The following DYNC2H1 variants were observed in gnomAD, a reference collection of about 807,000 sequenced individuals.
DYNC2H1 encodes the protein dynein cytoplasmic 2 heavy chain 1, also known as cytoplasmic dynein 2 heavy chain 1.
In DYNC2H1, 410 loss-of-function variants were observed where a neutral mutation model predicts 570.0. The observed-to-expected ratio is 0.72, with a 90% confidence interval of 0.66 to 0.78. DYNC2H1 has a LOEUF of 0.78. Ranked by LOEUF, DYNC2H1 falls within the 30% of genes least tolerant of loss-of-function variation. The pLI is 0.00. For synonymous variants in DYNC2H1, 1,688 were observed against 1,677.6 expected (o/e 1.01, Z -0.15); for missense variants, 4,865 against 5,046.4 (o/e 0.96, Z 1.09).
chr11:103,150,092 A>T (rs1016049521), intron 20 of DYNC2H1, among the ~76,000 whole-genome samples: 2 of 152,226 alleles, frequency 1.3e-5, no homozygotes, highest in African/African-American at 4.8e-5. Context: ...AGAGCATAGT[A>T]TTCAAGGAAG....
chr11:103,421,311 A>G (rs1943479433), intron 84 of DYNC2H1, among the ~76,000 whole-genome samples: 2 of 152,186 alleles, frequency 1.3e-5, no homozygotes, highest in Admixed American at 6.5e-5. Flanking sequence ...GAAAATTAAC[A>G]AAGATATTCA....
intron 84 of DYNC2H1, among the ~76,000 whole-genome samples, chr11:103,430,470 T>C (rs1008231845): frequency 3.9e-5 from 6 of 152,132 alleles, no homozygotes; most frequent in Non-Finnish European, 7.4e-5. Context: ...GTTTAGAATA[T>C]TACCGTACAT....
At chr11:103,130,663 G>A (rs951672432) in intron 13 of DYNC2H1, among the ~76,000 whole-genome samples, 1 of 151,992 alleles carries the variant, frequency 6.6e-6, no homozygotes, top group Non-Finnish European at 1.5e-5. Context: ...TGTATGCATA[G>A]TTTTGGAAAT....
At chr11:103,212,518 TA>T (rs1412287476) in intron 54 of DYNC2H1, among the ~76,000 whole-genome samples, 9 of 152,210 alleles carry the variant, frequency 5.9e-5, no homozygotes, top group African/African-American at 2.2e-4. Flanking sequence ...TTATATTTTA[TA>T]ATAACCTTTA....
chr11:103,121,151 G>A, intron 9 of DYNC2H1, 115 bp downstream of exon 9: 1 of 900,508 alleles, frequency 1.1e-6, no homozygotes, highest in Non-Finnish European at 1.6e-6. Context: ...TTTTCATGCT[G>A]AAGATTAATT....
intron 70 of DYNC2H1, among the ~76,000 whole-genome samples, chr11:103,266,158 C>A (rs562499380): frequency 1.3e-5 from 2 of 152,120 alleles, no homozygotes; most frequent in African/African-American, 4.8e-5. Flanking sequence ...TTTCATAGTG[C>A]GGTTACAGTG....
At chr11:103,292,861 C>T (rs1321882708) in intron 75 of DYNC2H1, among the ~76,000 whole-genome samples, 1 of 152,330 alleles carries the variant, frequency 6.6e-6, no homozygotes, top group East Asian at 1.9e-4. Flanking sequence ...GTGCTGGTAC[C>T]ATGCTGGCAG....
In DYNC2H1 at chr11:103,204,317, A is replaced by G. The variant is rs1332298253; in HGVS notation, c.8312-505A>G. Among the ~76,000 whole-genome samples the G allele has an allele frequency of 6.6e-6, 1 of 152,168 alleles. No individual in the cohort carries two copies. Among genetic ancestry groups the G allele is most frequent in the East Asian group, 1.9e-4 (1 of 5,196 alleles). ...AGGGACACAGAGCCAAACCATATCA[A>G]TACCTTAGCAAAATTTTAGCAAACA... On this transcript the variant is annotated intron_variant, in intron 51 of 88. Transcript: ENST00000375735. This position sits in a 1 kb window ranked among gnomAD's most constrained non-coding sequence, Gnocchi z 4.1.
chr11:103,454,756 A>G lies in DYNC2H1; in HGVS notation c.12457-430A>G, dbSNP rs1234249302. Among the ~76,000 whole-genome samples the G allele has an allele frequency of 2.0e-5, 3 of 152,284 alleles. No individual in the cohort carries two copies. In the East Asian group the frequency reaches 5.8e-4, roughly 29 times the overall value. On this transcript the variant is annotated intron_variant, in intron 85 of 88. Transcript: ENST00000375735. The stretch of plus-strand genomic sequence containing the variant: ...AACACAAAATTATTTCTTCTTGGAC[A>G]TTGCCCTCCACTGTTGTAAGATGGC...
chr11:103,125,753 C>T, intron 12 of DYNC2H1, among the ~76,000 whole-genome samples: 1 of 152,228 alleles, frequency 6.6e-6, no homozygotes, highest in Admixed American at 6.5e-5. Flanking sequence ...AGCTCCATAA[C>T]ATGGCATACA....
chr11:103,210,942 T>C (rs974167718), intron 53 of DYNC2H1, among the ~76,000 whole-genome samples: 2 of 152,064 alleles, frequency 1.3e-5, no homozygotes, highest in South Asian at 4.1e-4. Flanking sequence ...TTACCAGAAT[T>C]TCATTTTAGA....
intron 62 of DYNC2H1, 128 bp downstream of exon 62, chr11:103,235,941 ATAT>A: frequency 2.5e-6 from 3 of 1,197,682 alleles, no homozygotes; most frequent in Non-Finnish European, 3.4e-6. Flanking sequence ...GGGAAATTTT[ATAT>A]GGGTTCCAAG....
In DYNC2H1 at chr11:103,323,442, GAAAC is replaced by G. The variant is rs1168904804; in HGVS notation, c.11935-440_11935-437del. On this transcript the variant is annotated intron_variant, in intron 81 of 88. Coordinates refer to ENST00000375735, the MANE Select transcript of DYNC2H1 (RefSeq NM_001377.3). Reference sequence around the variant, plus strand: ...TTACAAGGTTTCTCTAAGTTAAAAAGAAACAAAAGTAGATTGCCTGAATATATAA... The same window carrying G: ...TTACAAGGTTTCTCTAAGTTAAAAAGAAAAGTAGATTGCCTGAATATATAA... Among the ~76,000 whole-genome samples, 10 of 149,784 alleles carry G rather than the reference GAAAC, an allele frequency of 6.7e-5. No individual in the cohort carries two copies. In the East Asian group the frequency reaches 7.8e-4, roughly 12 times the overall value.
chr11:103,109,435 A>G lies in DYNC2H1; in HGVS notation c.-140A>G, dbSNP rs960711912. 3 of 792,980 alleles carry G rather than the reference A, an allele frequency of 3.8e-6. No homozygotes were observed. Among genetic ancestry groups the G allele is most frequent in the Non-Finnish European group, 5.7e-6 (3 of 522,060 alleles). 49.1% of individuals were successfully genotyped at this position (792,980 alleles called of 1,614,324 possible). Reference sequence around the variant, plus strand: ...GTAGTGCTCCGTCGCCATAGCGACTACCCCTGGCAACCGCGAAGCTCTGCG... The same window carrying G: ...GTAGTGCTCCGTCGCCATAGCGACTGCCCCTGGCAACCGCGAAGCTCTGCG... On this transcript the variant is annotated 5_prime_UTR_variant, in exon 1 of 89. Coordinates refer to ENST00000375735, the MANE Select transcript of DYNC2H1 (RefSeq NM_001377.3).
Position 103,245,474 on chromosome 11 carries a change from T to A in DYNC2H1, c.10042+100T>A. On this transcript the variant is annotated intron_variant, in intron 65 of 88. Coordinates refer to ENST00000375735, the MANE Select transcript of DYNC2H1 (RefSeq NM_001377.3). This position sits in a 1 kb window ranked among gnomAD's most constrained non-coding sequence, Gnocchi z 4.5. ...TTTCAAGAGTCCTCTTCCAGTGGAG[T>A]CACACATGATGGGCTTACTTCCTTC... The A allele has an allele frequency of 8.5e-7, 1 of 1,174,106 alleles. No homozygotes were observed. Among genetic ancestry groups the A allele is most frequent in the Non-Finnish European group, 1.2e-6 (1 of 846,754 alleles). The allele number at this position is 1,174,106 out of a possible 1,614,324, so 72.7% of individuals were successfully genotyped here.
intron 84 of DYNC2H1, chr11:103,402,759 T>C (rs750169264): frequency 3.3e-5 from 5 of 152,138 alleles, no homozygotes; most frequent in African/African-American, 4.8e-5. Flanking sequence ...AGTGTATTAG[T>C]AGGTGGCCAG....
In DYNC2H1 at chr11:103,264,163, C is replaced by T. The variant is rs550363459; in HGVS notation, c.10695+4186C>T. On this transcript the variant is annotated intron_variant, in intron 70 of 88. Transcript: ENST00000375735. This position sits in a 1 kb window ranked among gnomAD's most constrained non-coding sequence, Gnocchi z 4.8. Reference sequence around the variant, plus strand: ...TCCCAAGACTAAACCAGGAAGAAGTCGAATCCCTGAATAGACCAATAACAA... The same window carrying T: ...TCCCAAGACTAAACCAGGAAGAAGTTGAATCCCTGAATAGACCAATAACAA... Among the ~76,000 whole-genome samples the T allele has an allele frequency of 1.0e-3, 157 of 152,080 alleles. 2 individuals carry two copies. Among genetic ancestry groups the T allele is most frequent in the Admixed American group, 9.8e-3 (150 of 15,284 alleles).
chr11:103,426,021 C>T (rs531749), intron 84 of DYNC2H1, among the ~76,000 whole-genome samples: 84,178 of 151,674 alleles, frequency 0.55, 23,975 homozygotes, highest in East Asian at 0.72. Flanking sequence ...TGTGGGTTTA[C>T]CAGAATGAGG....
Position 103,117,641 on chromosome 11 carries a change from T to G in DYNC2H1, c.777T>G (p.Phe259Leu), listed in dbSNP as rs1336470963. Residue 259 changes from phenylalanine (F) to leucine (L), a missense_variant, in exon 6 of 89, where the codon TTT becomes TTG. Physicochemically the swap from Phe to Leu is conservative, Grantham distance 22 (BLOSUM62 0). Transcript: ENST00000375735. ...TTTATGTTTTATTAGGTGGTTCATT[T>G]GGAAGGTTTGTTCAGAAAAAGTTGG... The part of the protein sequence containing the change: ...LHLLDIIGGS[F>L]GRFVQKKLGT... 2 of 1,596,294 alleles carry G rather than the reference T, an allele frequency of 1.3e-6. No individual in the cohort carries two copies. Among genetic ancestry groups the G allele is most frequent in the Non-Finnish European group, 1.7e-6 (2 of 1,170,634 alleles).
Sources: gnomAD v4.1 joint callset for allele counts (sites outside exome capture counted in the v4.1 genomes callset) on GRCh38, gnomAD v4.1.1 for gene constraint, Gnocchi (gnomAD v3.1) non-coding constraint, MANE v1.5 for transcripts, NCBI Gene and HGNC (gene_info 2026-07-23, HGNC 2026-07-21) for gene names.